Variants in MYO1E observed in about 807,000 individuals in gnomAD.
MYO1E encodes the protein myosin IE.
MYO1E carries 68 observed loss-of-function variants against 151.1 expected under a neutral mutation model. That is an observed-to-expected ratio of 0.45 (90% CI 0.37 to 0.55). MYO1E has a LOEUF of 0.55. Among genes scored for constraint, MYO1E ranks in the 20% least tolerant of loss-of-function variants. The pLI is 0.00. For missense variants in MYO1E, 1,363 were observed against 1,389.3 expected (o/e 0.98, Z 0.30); for synonymous variants, 601 against 501.7 (o/e 1.20, Z -2.64).
At chr15:59,151,200 G>C (rs2079476353) in intron 26 of MYO1E, among the ~76,000 whole-genome samples, 1 of 152,090 alleles carries the variant, frequency 6.6e-6, no homozygotes, top group African/African-American at 2.4e-5. Context: ...GGACAAGGCA[G>C]GCAGATGACG....
At chr15:59,317,512 T>C (rs764100839) in intron 1 of MYO1E, among the ~76,000 whole-genome samples, 2 of 146,970 alleles carry the variant, frequency 1.4e-5, no homozygotes, top group Non-Finnish European at 3.0e-5. Flanking sequence ...AAGAAGGCTC[T>C]TGTGGTAGCA....
chr15:59,234,435 T>C (rs978115270), intron 5 of MYO1E, among the ~76,000 whole-genome samples: 1 of 152,200 alleles, frequency 6.6e-6, no homozygotes, highest in Non-Finnish European at 1.5e-5. Context: ...AAACAAAAGA[T>C]AGAAAGAGTT....
intron 9 of MYO1E, 119 bp downstream of exon 9, chr15:59,222,940 T>C: frequency 1.4e-6 from 2 of 1,467,462 alleles, no homozygotes; most frequent in Non-Finnish European, 9.4e-7. Context: ...AGAGGACATG[T>C]AGATTTATCA....
rs142152275 is a variant in MYO1E at position 59,291,847 on chromosome 15, G to C, written c.4-19398C>G. Among the ~76,000 whole-genome samples the C allele has an allele frequency of 2.6e-3, 389 of 151,964 alleles. 3 individuals carry two copies. Among genetic ancestry groups the C allele is most frequent in the African/African-American group, 8.4e-3 (347 of 41,460 alleles). ...GGGAAGGAAATAAAACAACCCTAGG[G>C]ATCTAAATAGACAACAAAGAAAAGT... On this transcript the variant is annotated intron_variant, in intron 1 of 27. Coordinates refer to ENST00000288235, the MANE Select transcript of MYO1E (RefSeq NM_004998.4).
chr15:59,331,135 G>A (rs895876536), intron 1 of MYO1E, among the ~76,000 whole-genome samples: 1 of 152,172 alleles, frequency 6.6e-6, no homozygotes, highest in African/African-American at 2.4e-5. Context: ...CAATGGCAGA[G>A]TTGAGTAGCT....
At chr15:59,210,627 A>C (rs551982709) in intron 12 of MYO1E, 27 bp from the exon 13 acceptor site, 2 of 1,489,860 alleles carry the variant, frequency 1.3e-6, no homozygotes, top group African/African-American at 1.4e-5. Flanking sequence ...AGGAACTCAC[A>C]TTATTTCCCA....
chr15:59,219,018 G>A (rs1408943365), intron 9 of MYO1E, among the ~76,000 whole-genome samples: 2 of 152,186 alleles, frequency 1.3e-5, no homozygotes, highest in Non-Finnish European at 2.9e-5. Flanking sequence ...AAGGGGGCCT[G>A]ATGGCTAATA....
At chr15:59,371,428 G>A (rs1174210038) in intron 1 of MYO1E, among the ~76,000 whole-genome samples, 1 of 94,486 alleles carries the variant, frequency 1.1e-5, no homozygotes, top group Non-Finnish European at 2.4e-5. Context: ...ATGAAGCCTT[G>A]TAATAGATTT....
chr15:59,203,842 C>T (rs1026136311), intron 15 of MYO1E, among the ~76,000 whole-genome samples: 5 of 152,192 alleles, frequency 3.3e-5, no homozygotes, highest in Non-Finnish European at 4.4e-5. Context: ...GGGTGAATGA[C>T]GGGATCCATG....
chr15:59,205,762 G>A (rs1476058031), intron 14 of MYO1E, among the ~76,000 whole-genome samples: 19 of 152,170 alleles, frequency 1.2e-4, no homozygotes, highest in African/African-American at 4.3e-4. Flanking sequence ...CAGCTGATCC[G>A]TAATCAGAAC....
At chr15:59,267,217 G>A (rs1299459864) in intron 2 of MYO1E, among the ~76,000 whole-genome samples, 1 of 9,788 alleles carries the variant, frequency 1.0e-4, no homozygotes, top group African/African-American at 1.5e-4. Flanking sequence ...GTAGAGACGG[G>A]GTTTTCACCA....
chr15:59,345,746 T>G (rs1290758036), intron 1 of MYO1E, among the ~76,000 whole-genome samples: 1 of 152,216 alleles, frequency 6.6e-6, no homozygotes, highest in Admixed American at 6.5e-5. Flanking sequence ...CTGTGGATGC[T>G]AAGGATGTAT....
intron 1 of MYO1E, among the ~76,000 whole-genome samples, chr15:59,311,893 G>A (rs2080554703): frequency 2.0e-5 from 3 of 152,080 alleles, no homozygotes; most frequent in Admixed American, 6.6e-5. Flanking sequence ...TCTCGTGCAC[G>A]CACTTGCCAT....
At chr15:59,146,248 A>G (rs1274212159) in intron 26 of MYO1E, among the ~76,000 whole-genome samples, 3 of 152,210 alleles carry the variant, frequency 2.0e-5, no homozygotes, top group Non-Finnish European at 2.9e-5. Flanking sequence ...TGTATTTCTA[A>G]TAAACATCAC....
chr15:59,361,617 C>T (rs2080885799), intron 1 of MYO1E, among the ~76,000 whole-genome samples: 1 of 152,090 alleles, frequency 6.6e-6, no homozygotes, highest in Non-Finnish European at 1.5e-5. Flanking sequence ...TTCATCTGAA[C>T]TGAGAAAAGA....
chr15:59,291,711 AAGAGAG>A (rs1555417405), intron 1 of MYO1E, among the ~76,000 whole-genome samples: 3 of 67,016 alleles, frequency 4.5e-5, no homozygotes, highest in East Asian at 6.5e-4. Context: ...AAAAAAAAAA[AAGAGAG>A]AGAGAGAGAG....
chr15:59,372,852 T>C lies in MYO1E; in HGVS notation c.-352A>G. 1 of 390,424 alleles carries C rather than the reference T, an allele frequency of 2.6e-6. No homozygotes were observed. The highest frequency in any genetic ancestry group is 2.1e-5 in the African/African-American group (1 of 47,310). The allele number at this position is 390,424 out of a possible 1,614,324, so 24.2% of individuals were successfully genotyped here. ...CCTCTTTCTTCGGCCACTTAATCCG[T>C]ACTCCTCTGGCTGAGTCTCGGCTCG... is the stretch of plus-strand genomic sequence containing the variant. On this transcript the variant is annotated 5_prime_UTR_variant, in exon 1 of 28. Coordinates refer to ENST00000288235, the MANE Select transcript of MYO1E (RefSeq NM_004998.4).
At chr15:59,333,565 A>T (rs984549846) in intron 1 of MYO1E, among the ~76,000 whole-genome samples, 2 of 152,102 alleles carry the variant, frequency 1.3e-5, no homozygotes, top group African/African-American at 4.8e-5. Flanking sequence ...TCTACTCACC[A>T]ACCTCCCACA....
chr15:59,312,858 AAAT>A lies in MYO1E; in HGVS notation c.4-40412_4-40410del, dbSNP rs35710505. On this transcript the variant is annotated intron_variant, in intron 1 of 27. Coordinates refer to ENST00000288235, the MANE Select transcript of MYO1E (RefSeq NM_004998.4). ...CACAATGAAACCCCGACTCTACTAA[AAAT>A]AATAATAATAATAATAATAATACAA... is the stretch of plus-strand genomic sequence containing the variant. 1.5e-3 allele frequency among the ~76,000 whole-genome samples: 228 copies of A among 150,596 alleles called. 2 individuals are homozygous for A. The highest frequency in any genetic ancestry group is 5.1e-3 in the African/African-American group (211 of 41,100).
Sources: gnomAD v4.1 joint callset for allele counts (sites outside exome capture counted in the v4.1 genomes callset) on GRCh38, gnomAD v4.1.1 for gene constraint, MANE v1.5 for transcripts, NCBI Gene and HGNC (gene_info 2026-07-23, HGNC 2026-07-21) for gene names.